Variants in RARB observed in about 807,000 individuals in gnomAD.
The protein encoded by RARB is HBV-activated protein.
A neutral mutation model predicts 51.9 loss-of-function variants in RARB; 17 were observed. The ratio of observed to expected loss-of-function variants is 0.33; its 90% CI spans 0.22 to 0.49. The LOEUF (loss-of-function observed/expected upper bound fraction) is 0.49, where lower values mean the gene tolerates loss of function less well. RARB is among the 20% of genes least tolerant of loss of function. The pLI, the probability that RARB is intolerant of heterozygous loss-of-function variation, is 0.99. For missense variants in RARB, 369 were observed against 550.8 expected, an observed-to-expected ratio of 0.67 and a Z score of 3.30; for synonymous variants, 215 against 195.4, an observed-to-expected ratio of 1.10 and a Z score of -0.84.
intron 3 of RARB, among the ~76,000 whole-genome samples, chr3:25,125,979 T>A (rs1699853428): frequency 6.6e-6 from 1 of 152,150 alleles, no homozygotes; most frequent in African/African-American, 2.4e-5. Context: ...GCCTTCACAG[T>A]GAGGTTCCCC....
chr3:25,213,228 C>G (rs1701742020), intron 5 of RARB, among the ~76,000 whole-genome samples: 1 of 152,160 alleles, frequency 6.6e-6, no homozygotes. Context: ...ACTTTCTTCC[C>G]TATTCCCCAA....
chr3:25,264,576 T>A (rs377308992), intron 5 of RARB, among the ~76,000 whole-genome samples: 5 of 152,178 alleles, frequency 3.3e-5, no homozygotes, highest in African/African-American at 1.2e-4. Context: ...TCAGTACAAT[T>A]TTATACAAAT....
chr3:24,872,395 T>C (rs1237609065), intron 2 of RARB, among the ~76,000 whole-genome samples: 1 of 152,184 alleles, frequency 6.6e-6, no homozygotes, highest in Non-Finnish European at 1.5e-5. Flanking sequence ...CCTTCTCTAT[T>C]ATTCCATTTT....
At chr3:25,577,907 C>T (rs1242091490) in intron 4 of RARB, among the ~76,000 whole-genome samples, 1 of 152,254 alleles carries the variant, frequency 6.6e-6, no homozygotes. Context: ...GGAGGCGCTG[C>T]AGCTCCTGTA....
At chr3:25,475,385 A>G (rs1695897807) in intron 2 of RARB, among the ~76,000 whole-genome samples, 1 of 151,556 alleles carries the variant, frequency 6.6e-6, no homozygotes, top group Non-Finnish European at 1.5e-5. Flanking sequence ...TGGATAAGCT[A>G]TTATCCAAAT....
At chr3:25,311,225 A>G (rs770068352) in intron 5 of RARB, among the ~76,000 whole-genome samples, 3 of 152,206 alleles carry the variant, frequency 2.0e-5, no homozygotes, top group Admixed American at 1.3e-4. Context: ...AAGGAGGGGA[A>G]AGAGAGGATG....
At chr3:25,578,360 C>G (rs1297356725) in intron 4 of RARB, among the ~76,000 whole-genome samples, 1 of 152,230 alleles carries the variant, frequency 6.6e-6, no homozygotes, top group African/African-American at 2.4e-5. Flanking sequence ...GACGGCTGTG[C>G]ATTATTTTTA....
chr3:24,878,372 T>C (rs916425339), intron 2 of RARB, among the ~76,000 whole-genome samples: 6 of 152,004 alleles, frequency 3.9e-5, no homozygotes, highest in East Asian at 1.9e-4. Flanking sequence ...ATTTTTTTTT[T>C]CCCTGCTTGT....
chr3:24,852,227 C>T lies in RARB; in HGVS notation c.-458-6447C>T, dbSNP rs188767398. 1.4e-4 allele frequency among the ~76,000 whole-genome samples: 22 copies of T among 152,200 alleles called. No homozygotes were observed. In the East Asian group the frequency reaches 3.5e-3, roughly 24 times the overall value. On this transcript the variant is annotated intron_variant, in intron 1 of 11. Coordinates refer to the RARB transcript ENST00000383772. ...TGGATGTATTTTTATATTTGCGGGA[C>T]GAATCTGAAAGCACCATTTCGCACA... is the stretch of plus-strand genomic sequence containing the variant.
chr3:25,525,338 C>T (rs1020916399), intron 3 of RARB, among the ~76,000 whole-genome samples: 3 of 152,146 alleles, frequency 2.0e-5, no homozygotes, highest in East Asian at 1.9e-4. Flanking sequence ...CAGAGAGAGC[C>T]GGTGTGGAAA....
At chr3:25,392,382 T>C (rs1297001502) in intron 5 of RARB, among the ~76,000 whole-genome samples, 1 of 151,380 alleles carries the variant, frequency 6.6e-6, no homozygotes, top group Non-Finnish European at 1.5e-5. Flanking sequence ...GCTTTTTTTT[T>C]GGTTCCATAT....
chr3:25,004,745 T>G (rs1276510931), intron 2 of RARB, among the ~76,000 whole-genome samples: 1 of 152,130 alleles, frequency 6.6e-6, no homozygotes, highest in Non-Finnish European at 1.5e-5. Flanking sequence ...TTTTCCAAAT[T>G]TTGAGATGGT....
intron 5 of RARB, among the ~76,000 whole-genome samples, chr3:25,387,844 G>A (rs572419511): frequency 6.6e-6 from 1 of 151,112 alleles, no homozygotes; most frequent in Non-Finnish European, 1.5e-5. Context: ...GCAAGGCTCA[G>A]AAATATCCCA....
intron 5 of RARB, among the ~76,000 whole-genome samples, chr3:25,403,510 G>A (rs1242339165): frequency 3.3e-5 from 5 of 152,210 alleles, no homozygotes; most frequent in Admixed American, 6.5e-5. Flanking sequence ...GCTAGAGAAT[G>A]AAGCACTAGT....
At chr3:25,407,433 C>A (rs1014978042) in intron 5 of RARB, among the ~76,000 whole-genome samples, 1 of 152,150 alleles carries the variant, frequency 6.6e-6, no homozygotes, top group African/African-American at 2.4e-5. Flanking sequence ...TTCACATTTA[C>A]AAGAGACCTG....
chr3:25,346,698 T>C (rs1705405540), intron 5 of RARB, among the ~76,000 whole-genome samples: 1 of 152,214 alleles, frequency 6.6e-6, no homozygotes, highest in South Asian at 2.1e-4. Flanking sequence ...ACAGGATGTT[T>C]TGACATAGCT....
chr3:25,465,230 A>G (rs891072131), intron 2 of RARB, among the ~76,000 whole-genome samples: 4 of 152,204 alleles, frequency 2.6e-5, no homozygotes, highest in Non-Finnish European at 4.4e-5. Context: ...ATAATAAGGT[A>G]ATGAATCCAG....
chr3:24,863,480 A>G (rs1702793012), intron 2 of RARB, among the ~76,000 whole-genome samples: 1 of 152,232 alleles, frequency 6.6e-6, no homozygotes, highest in Non-Finnish European at 1.5e-5. Flanking sequence ...GTGTAATATC[A>G]TTTGCCTGCC....
intron 2 of RARB, among the ~76,000 whole-genome samples, chr3:24,916,830 A>G (rs1039740450): frequency 3.3e-5 from 5 of 152,034 alleles, no homozygotes; most frequent in Non-Finnish European, 7.4e-5. Flanking sequence ...AAAATGGGAA[A>G]CAGGCCAGGT....
Sources: allele counts gnomAD v4.1 joint callset (sites outside exome capture counted in the v4.1 genomes callset), GRCh38; gene constraint gnomAD v4.1.1; transcripts MANE v1.5; gene names NCBI Gene and HGNC (gene_info 2026-07-23, HGNC 2026-07-21).